Variants in TMEM272 observed in about 807,000 individuals in gnomAD.
The protein encoded by TMEM272 is long intergenic non-protein coding RNA 282.
In TMEM272, 8 loss-of-function variants were observed where a neutral mutation model predicts 3.7. That is an observed-to-expected ratio of 2.17 (90% CI 1.27 to 3.91). The LOEUF (loss-of-function observed/expected upper bound fraction) is 3.91. TMEM272 is among the 30% of genes most tolerant of loss of function. TMEM272 has a pLI of 0.00. For synonymous variants in TMEM272, 63 were observed against 39.8 expected (o/e 1.58, Z -2.20); for missense variants, 166 against 91.5 (o/e 1.81, Z -3.32).
the TMEM272 span, among the ~76,000 whole-genome samples, chr13:51,880,948 A>G: frequency 6.6e-6 from 1 of 152,254 alleles, no homozygotes; most frequent in East Asian, 1.9e-4. Flanking sequence ...TATGGAAATA[A>G]AAAGTGTAAT....
the TMEM272 span, among the ~76,000 whole-genome samples, chr13:51,898,937 T>A: frequency 6.6e-6 from 1 of 152,164 alleles, no homozygotes; most frequent in African/African-American, 2.4e-5. Context: ...AATCTCACAG[T>A]ACTAAACCTG....
chr13:51,914,479 G>C, the TMEM272 span, among the ~76,000 whole-genome samples: 1 of 152,224 alleles, frequency 6.6e-6, no homozygotes, highest in Admixed American at 6.5e-5. Context: ...GCCAATTCAG[G>C]GACAGGGGAC....
the TMEM272 span, among the ~76,000 whole-genome samples, chr13:51,869,141 T>A: frequency 6.6e-6 from 1 of 152,232 alleles, no homozygotes; most frequent in African/African-American, 2.4e-5. Context: ...GGCTGTCTAG[T>A]TGAACCCCCT....
At chr13:51,894,194 T>C in the TMEM272 span, among the ~76,000 whole-genome samples, 1 of 152,200 alleles carries the variant, frequency 6.6e-6, no homozygotes, top group Non-Finnish European at 1.5e-5. Flanking sequence ...TTGGGACAGA[T>C]AACTGTGAAA....
At chr13:51,852,345 TTGTC>T in the TMEM272 span, among the ~76,000 whole-genome samples, 2 of 152,274 alleles carry the variant, frequency 1.3e-5, no homozygotes, top group African/African-American at 2.4e-5. Flanking sequence ...TTGGTGGTCT[TTGTC>T]TGCTCAATTT....
chr13:51,834,283 A>G (rs1451303353), intron 2 of TMEM272, among the ~76,000 whole-genome samples: 1 of 152,168 alleles, frequency 6.6e-6, no homozygotes, highest in Non-Finnish European at 1.5e-5. Flanking sequence ...CACCTTTTAA[A>G]CATTGCACAA....
chr13:51,849,568 C>T (rs184087423), upstream of TMEM272, among the ~76,000 whole-genome samples: 485 of 152,324 alleles, frequency 3.2e-3, 2 homozygotes, highest in African/African-American at 0.011. Flanking sequence ...ATTCTAAGGG[C>T]CCTGTGGAAC....
chr13:51,852,353 T>C, the TMEM272 span, among the ~76,000 whole-genome samples: 1 of 152,230 alleles, frequency 6.6e-6, no homozygotes, highest in Non-Finnish European at 1.5e-5. Flanking sequence ...CTTTGTCTGC[T>C]CAATTTCAGA....
At chr13:51,919,384 T>C in the TMEM272 span, among the ~76,000 whole-genome samples, 1 of 152,212 alleles carries the variant, frequency 6.6e-6, no homozygotes. Context: ...GTTACAAATA[T>C]AGCTGAAGGC....
chr13:51,840,989 T>C (rs181913631), intron 1 of TMEM272, among the ~76,000 whole-genome samples: 289 of 152,360 alleles, frequency 1.9e-3, no homozygotes, highest in Non-Finnish European at 1.7e-3. Flanking sequence ...CCCCAAGCCA[T>C]GGACAAATGG....
chr13:51,911,348 C>G, the TMEM272 span, among the ~76,000 whole-genome samples: 1 of 152,196 alleles, frequency 6.6e-6, no homozygotes, highest in Non-Finnish European at 1.5e-5. Context: ...GTCCCATGCA[C>G]GACTGAAAAA....
intron 2 of TMEM272, among the ~76,000 whole-genome samples, chr13:51,832,540 A>G (rs1043057217): frequency 6.6e-6 from 1 of 151,860 alleles, no homozygotes; most frequent in African/African-American, 2.4e-5. Flanking sequence ...CTCAAACTAA[A>G]CTCCTCTTTC....
intron 2 of TMEM272, among the ~76,000 whole-genome samples, chr13:51,834,896 C>T (rs981193309): frequency 2.0e-5 from 3 of 152,240 alleles, no homozygotes; most frequent in African/African-American, 4.8e-5. Context: ...GGGATGAAAG[C>T]GATCCTCCAG....
the TMEM272 span, among the ~76,000 whole-genome samples, chr13:51,889,356 GAGGTAATTA>G: frequency 6.6e-6 from 1 of 152,160 alleles, no homozygotes; most frequent in Non-Finnish European, 1.5e-5. Flanking sequence ...GGCCTTTAAA[GAGGTAATTA>G]AGGGTAAATG....
upstream of TMEM272, among the ~76,000 whole-genome samples, chr13:51,850,070 G>A (rs1397910633): frequency 1.3e-5 from 2 of 152,192 alleles, no homozygotes; most frequent in South Asian, 4.1e-4. Context: ...TTAGCTGGGT[G>A]TAGGGGTGTG....
At chr13:51,842,645 A>C (rs991442718) in intron 1 of TMEM272, among the ~76,000 whole-genome samples, 9 of 152,240 alleles carry the variant, frequency 5.9e-5, no homozygotes, top group Admixed American at 5.2e-4. Flanking sequence ...AAGTATATGC[A>C]TATATACATA....
upstream of TMEM272, among the ~76,000 whole-genome samples, chr13:51,846,820 A>G (rs1190814976): frequency 6.6e-6 from 1 of 152,266 alleles, no homozygotes; most frequent in Non-Finnish European, 1.5e-5. Flanking sequence ...AAAAAAAATT[A>G]TAAAGTAAAA....
At chr13:51,934,348 C>A in the TMEM272 span, 1 of 312,780 alleles carries the variant, frequency 3.2e-6, no homozygotes, top group Non-Finnish European at 6.3e-6. Flanking sequence ...ATCAGAAAGA[C>A]CCTGACAGTG....
At chr13:51,865,967 G>C in the TMEM272 span, 2 of 1,613,958 alleles carry the variant, frequency 1.2e-6, no homozygotes, top group Non-Finnish European at 1.7e-6. Context: ...GGAAGAGAGG[G>C]CCTTCTGGAT....
Sources: allele counts gnomAD v4.1 joint callset (sites outside exome capture counted in the v4.1 genomes callset), GRCh38; gene constraint gnomAD v4.1.1; transcripts MANE v1.5; gene names NCBI Gene and HGNC (gene_info 2026-07-23, HGNC 2026-07-21).